SLC9A9: variants seen among roughly 807,000 people sequenced by gnomAD.
SLC9A9 encodes the protein solute carrier family 9 member A9.
Under a neutral mutation model 77.8 loss-of-function variants are expected in SLC9A9, and 62 were observed. That is an observed-to-expected ratio of 0.80 (90% CI 0.65 to 0.98). The LOEUF (loss-of-function observed/expected upper bound fraction) is 0.98, where lower values mean the gene tolerates loss of function less well. Among genes scored for constraint, SLC9A9 ranks in the 50% least tolerant of loss-of-function variants. SLC9A9 has a pLI of 0.00. For missense variants in SLC9A9, 775 were observed against 774.9 expected (o/e 1.00, Z 0.00); for synonymous variants, 320 against 283.5 (o/e 1.13, Z -1.29).
intron 12 of SLC9A9, among the ~76,000 whole-genome samples, chr3:143,444,111 G>T (rs1312738206): frequency 1.3e-5 from 2 of 152,202 alleles, no homozygotes; most frequent in African/African-American, 4.8e-5. Context: ...CAGTAGTAGT[G>T]ACGCCTAAAT....
At chr3:143,660,113 C>A (rs1299265235) in intron 5 of SLC9A9, among the ~76,000 whole-genome samples, 1 of 152,308 alleles carries the variant, frequency 6.6e-6, no homozygotes, top group South Asian at 2.1e-4. Context: ...TTGGTTATAT[C>A]TTTATCAGCA....
intron 12 of SLC9A9, among the ~76,000 whole-genome samples, chr3:143,401,444 A>G (rs1021615522): frequency 6.6e-6 from 1 of 152,166 alleles, no homozygotes; most frequent in African/African-American, 2.4e-5. Flanking sequence ...TGAATGTGCC[A>G]TTGTTTTTCC....
At chr3:143,600,783 A>T (rs758076890) in intron 6 of SLC9A9, among the ~76,000 whole-genome samples, 2 of 152,258 alleles carry the variant, frequency 1.3e-5, no homozygotes, top group Non-Finnish European at 2.9e-5. Flanking sequence ...TAAATTAACC[A>T]TAAGGCTGAA....
intron 6 of SLC9A9, among the ~76,000 whole-genome samples, chr3:143,609,602 A>C (rs1316469282): frequency 1.3e-5 from 2 of 152,180 alleles, no homozygotes; most frequent in East Asian, 1.9e-4. Flanking sequence ...TCTGACACCC[A>C]AGTCCCACTT....
intron 4 of SLC9A9, among the ~76,000 whole-genome samples, chr3:143,701,080 G>A (rs950573408): frequency 2.0e-4 from 30 of 152,344 alleles, no homozygotes; most frequent in African/African-American, 7.2e-4. Flanking sequence ...GAGTCTGCAA[G>A]AACCACAATG....
At chr3:143,393,021 T>A (rs1483047518) in intron 12 of SLC9A9, among the ~76,000 whole-genome samples, 3 of 152,086 alleles carry the variant, frequency 2.0e-5, no homozygotes, top group Non-Finnish European at 4.4e-5. Flanking sequence ...CCACTGTCAA[T>A]ATTAGACAGA....
intron 5 of SLC9A9, among the ~76,000 whole-genome samples, chr3:143,660,875 A>G (rs549705457): frequency 6.6e-6 from 1 of 152,202 alleles, no homozygotes; most frequent in South Asian, 2.1e-4. Flanking sequence ...ACAAGGAAAA[A>G]CCTGGACCAA....
chr3:143,609,761 G>T (rs182183862), intron 6 of SLC9A9, among the ~76,000 whole-genome samples: 3 of 152,054 alleles, frequency 2.0e-5, no homozygotes, highest in African/African-American at 4.8e-5. Context: ...TTATATATTA[G>T]ATATCTTTCC....
chr3:143,536,499 T>G (rs2036590560), intron 9 of SLC9A9, among the ~76,000 whole-genome samples: 1 of 152,256 alleles, frequency 6.6e-6, no homozygotes, highest in Non-Finnish European at 1.5e-5. Flanking sequence ...ATTCCCATTT[T>G]TTAATGTAGC....
chr3:143,340,884 CT>C (rs2108463357), intron 14 of SLC9A9, among the ~76,000 whole-genome samples: 1 of 152,288 alleles, frequency 6.6e-6, no homozygotes, highest in African/African-American at 2.4e-5. Flanking sequence ...GATTGGAAAT[CT>C]ATTGAAATTT....
chr3:143,518,720 A>G (rs1346149619), intron 9 of SLC9A9, among the ~76,000 whole-genome samples: 1 of 152,152 alleles, frequency 6.6e-6, no homozygotes, highest in Non-Finnish European at 1.5e-5. Context: ...GTTATGATTA[A>G]CTCATTTTCC....
chr3:143,590,025 T>C (rs1318851827), intron 6 of SLC9A9, among the ~76,000 whole-genome samples: 1 of 152,238 alleles, frequency 6.6e-6, no homozygotes, highest in Non-Finnish European at 1.5e-5. Flanking sequence ...CTAGGGCTAC[T>C]TACAGGCCAA....
intron 5 of SLC9A9, among the ~76,000 whole-genome samples, chr3:143,676,630 G>A (rs1338633152): frequency 2.0e-5 from 3 of 152,030 alleles, no homozygotes; most frequent in South Asian, 2.1e-4. Flanking sequence ...ACAGCTACTC[G>A]GGAGGCTGAG....
chr3:143,774,744 A>G (rs2007637059), intron 4 of SLC9A9, among the ~76,000 whole-genome samples: 1 of 152,180 alleles, frequency 6.6e-6, no homozygotes, highest in Non-Finnish European at 1.5e-5. Context: ...TTTATATTAT[A>G]CATATATTCA....
At chr3:143,590,272 G>T (rs1288838692) in intron 6 of SLC9A9, among the ~76,000 whole-genome samples, 1 of 152,176 alleles carries the variant, frequency 6.6e-6, no homozygotes, top group Non-Finnish European at 1.5e-5. Context: ...GATTAAATAT[G>T]TTAATATGTG....
chr3:143,677,025 T>G (rs185692672), intron 5 of SLC9A9, among the ~76,000 whole-genome samples: 1 of 152,314 alleles, frequency 6.6e-6, no homozygotes, highest in East Asian at 1.9e-4. Flanking sequence ...AGTGGATTAC[T>G]GTTTGACTCT....
At chr3:143,695,178 T>C (rs1274671234) in intron 4 of SLC9A9, among the ~76,000 whole-genome samples, 4 of 152,102 alleles carry the variant, frequency 2.6e-5, no homozygotes, top group Admixed American at 2.6e-4. Context: ...AAAAGATACT[T>C]CTTTTATTAC....
Position 143,548,354 on chromosome 3 carries a change from A to T in SLC9A9, c.1089+4008T>A, listed in dbSNP as rs537020903. ...AGGGGTAGGAGGAAGGCTGGAAATCATCTGAGTGGGTTCATGGGGTCTGTA... is the reference window on the plus strand; with the variant it reads ...AGGGGTAGGAGGAAGGCTGGAAATCTTCTGAGTGGGTTCATGGGGTCTGTA... On this transcript the variant is annotated intron_variant, in intron 9 of 15. Coordinates refer to ENST00000316549, the MANE Select transcript of SLC9A9 (RefSeq NM_173653.4). Among the ~76,000 whole-genome samples, 7 of 152,170 alleles carry T rather than the reference A, an allele frequency of 4.6e-5. No homozygotes were observed. The East Asian group carries it at 1.2e-3, about 25-fold the overall frequency.
intron 11 of SLC9A9, among the ~76,000 whole-genome samples, chr3:143,489,032 A>G (rs1298781109): frequency 2.0e-5 from 3 of 152,006 alleles, no homozygotes; most frequent in Admixed American, 6.5e-5. Context: ...AAATGAATTA[A>G]GCAAAGTAGC....
Sources: allele counts gnomAD v4.1 joint callset (sites outside exome capture counted in the v4.1 genomes callset), GRCh38; gene constraint gnomAD v4.1.1; transcripts MANE v1.5; gene names NCBI Gene and HGNC (gene_info 2026-07-23, HGNC 2026-07-21).